The following RAB40C variants were observed in gnomAD, a reference collection of about 807,000 sequenced individuals.
The protein encoded by RAB40C is ras-related protein Rab-40C.
A neutral mutation model predicts 28.1 loss-of-function variants in RAB40C; 8 were observed. The ratio of observed to expected loss-of-function variants is 0.28; its 90% CI spans 0.17 to 0.51. The LOEUF (loss-of-function observed/expected upper bound fraction) is 0.51, where lower values mean the gene tolerates loss of function less well. Ranked by LOEUF, RAB40C falls within the 20% of genes least tolerant of loss-of-function variation. The pLI is 0.97. For synonymous variants in RAB40C, 201 were observed against 171.7 expected, an observed-to-expected ratio of 1.17 and a Z score of -1.34; for missense variants, 288 against 405.9, an observed-to-expected ratio of 0.71 and a Z score of 2.50.
In RAB40C at chr16:610,799, AGGCCAAG is replaced by A. The variant is rs945116272; in HGVS notation, c.143-6404_143-6398del. Among the ~76,000 whole-genome samples, 1 of 148,760 alleles carries A rather than the reference AGGCCAAG, an allele frequency of 6.7e-6. No homozygotes were observed. Among genetic ancestry groups the A allele is most frequent in the African/African-American group, 2.5e-5 (1 of 40,376 alleles). On this transcript the variant is annotated intron_variant, in intron 1 of 5. Coordinates refer to ENST00000248139, the MANE Select transcript of RAB40C (RefSeq NM_021168.5). This position sits in a 1 kb window ranked among gnomAD's most constrained non-coding sequence, Gnocchi z 4.6. The stretch of plus-strand genomic sequence containing the variant: ...CCTGCCTGGATAATTGAGACCTTCC[AGGCCAAG>A]GGCCCCCTCCCCAGGATCCTGACAC...
intron 1 of RAB40C, among the ~76,000 whole-genome samples, chr16:607,615 C>A (rs1272867016): frequency 6.6e-6 from 1 of 151,070 alleles, no homozygotes; most frequent in African/African-American, 2.4e-5. Flanking sequence ...CACGGTGAAA[C>A]CCCGTCTCTA....
chr16:596,286 CA>C, intron 1 of RAB40C: 1 of 456,080 alleles, frequency 2.2e-6, no homozygotes, highest in Non-Finnish European at 4.4e-6. Flanking sequence ...TGGGTCCTCG[CA>C]GGTACTTTTG....
intron 1 of RAB40C, chr16:596,437 G>C (rs1326077945): frequency 2.4e-6 from 1 of 423,950 alleles, no homozygotes; most frequent in Non-Finnish European, 4.8e-6. Flanking sequence ...GTCCTCCCCT[G>C]CGCAGCACAT....
At chr16:602,966 T>C (rs1006961270) in intron 1 of RAB40C, among the ~76,000 whole-genome samples, 1 of 152,180 alleles carries the variant, frequency 6.6e-6, no homozygotes, top group Non-Finnish European at 1.5e-5. Context: ...TGGGATCTGC[T>C]CCTTAAAAGA....
At chr16:601,187 T>A (rs1454063186) in intron 1 of RAB40C, among the ~76,000 whole-genome samples, 1 of 152,224 alleles carries the variant, frequency 6.6e-6, no homozygotes, top group Non-Finnish European at 1.5e-5. Context: ...GTTTGACTTT[T>A]AAAAAATTGT....
At chr16:626,180 A>C in intron 5 of RAB40C, 59 bp downstream of exon 5, 4 of 1,507,958 alleles carry the variant, frequency 2.7e-6, no homozygotes, top group Non-Finnish European at 3.7e-6. Flanking sequence ...CCCTGATCAC[A>C]TGGAGGCTGA....
chr16:596,469 G>A, intron 1 of RAB40C: 2 of 359,272 alleles, frequency 5.6e-6, no homozygotes, highest in Middle Eastern at 6.3e-4. Flanking sequence ...ACCCCACCGA[G>A]GGCCGTTCTG....
intron 3 of RAB40C, among the ~76,000 whole-genome samples, chr16:622,826 T>A (rs1262446200): frequency 1.3e-5 from 2 of 152,132 alleles, no homozygotes; most frequent in African/African-American, 4.8e-5. Context: ...TTTTTAAAAA[T>A]CAGATCAGTT....
chr16:616,214 C>G (rs1226181428), intron 1 of RAB40C, among the ~76,000 whole-genome samples: 1 of 150,346 alleles, frequency 6.7e-6, no homozygotes, highest in African/African-American at 2.4e-5. Context: ...AGAGATCGCA[C>G]CACTGCACTC....
At chr16:614,195 C>T (rs1392728208) in intron 1 of RAB40C, among the ~76,000 whole-genome samples, 2 of 103,888 alleles carry the variant, frequency 1.9e-5, no homozygotes, top group African/African-American at 3.7e-5. Context: ...TACCGCATCC[C>T]TATGGTGAAC....
intron 1 of RAB40C, among the ~76,000 whole-genome samples, chr16:601,970 A>G (rs755684311): frequency 6.6e-6 from 1 of 152,082 alleles, no homozygotes; most frequent in Non-Finnish European, 1.5e-5. Context: ...TACTGAAAAT[A>G]TAAAAGTTAG....
chr16:596,865 C>G (rs1894675), intron 1 of RAB40C, among the ~76,000 whole-genome samples: 34,788 of 152,048 alleles, frequency 0.23, 4,777 homozygotes, highest in African/African-American at 0.37. Context: ...CCTAAGGTAG[C>G]GAGGAGGCTT....
intron 3 of RAB40C, chr16:625,036 G>C (rs774998808): frequency 1.3e-5 from 17 of 1,293,120 alleles, no homozygotes; most frequent in Non-Finnish European, 1.6e-5. Flanking sequence ...CCCCCACTCA[G>C]CTCTGTCCCA....
chr16:625,984 C>T lies in RAB40C; in HGVS notation c.428C>T (p.Ala143Val), dbSNP rs770929145. Reference sequence around the variant, plus strand: ...CAGGTCCCGACGGAGCAGGCCCGCGCGTACGCAGAGAAGAACTGCATGACC... The same window carrying T: ...CAGGTCCCGACGGAGCAGGCCCGCGTGTACGCAGAGAAGAACTGCATGACC... ...KRQVPTEQAR[A>V]YAEKNCMTFF... The change falls in exon 5 of 6, where the codon GCG (alanine) becomes GTG (valine). Residue 143 changes from alanine (A) to valine (V), a missense_variant. This residue lies in a region of RAB40C where 153 missense variants were observed against 262.4 expected (regional missense o/e 0.58). Transcript: ENST00000248139. 1.4e-5 allele frequency: 22 copies of T among 1,613,094 alleles called. No individual in the cohort carries two copies. The highest frequency in any genetic ancestry group is 2.2e-5 in the South Asian group (2 of 91,092).
chr16:590,391 C>A lies in RAB40C; in HGVS notation c.100C>A (p.Leu34Met). 2.5e-6 allele frequency: 4 copies of A among 1,595,362 alleles called. No individual in the cohort carries two copies. Among genetic ancestry groups the A allele is most frequent in the East Asian group, 2.3e-5 (1 of 42,898 alleles). The change falls in exon 1 of 6, where the codon CTG becomes ATG. Residue 34 changes from leucine (L) to methionine (M), a missense_variant. Leu to Met is a conservative substitution (Grantham distance 15, BLOSUM62 2). Transcript: ENST00000248139. ...DVGKGEILES[L>M]QDGAAESPYA... ...GGGCAAGGGCGAGATCCTGGAGAGCCTGCAGGACGGCGCGGCAGAGTCCCC... is the reference window on the plus strand; with the variant it reads ...GGGCAAGGGCGAGATCCTGGAGAGCATGCAGGACGGCGCGGCAGAGTCCCC...
rs548825114 is a variant in RAB40C at position 616,237 on chromosome 16, C to T, written c.143-971C>T. On this transcript the variant is annotated intron_variant, in intron 1 of 5. Coordinates refer to ENST00000248139, the MANE Select transcript of RAB40C (RefSeq NM_021168.5). ...CACCACTGCACTCCAGCCTGGGTGACTGAGCAAGACTCTGTCTCAAAAAAA... is the reference window on the plus strand; with the variant it reads ...CACCACTGCACTCCAGCCTGGGTGATTGAGCAAGACTCTGTCTCAAAAAAA... Among the ~76,000 whole-genome samples, 3 of 149,058 alleles carry T rather than the reference C, an allele frequency of 2.0e-5. No homozygotes were observed. The East Asian group carries it at 5.9e-4, about 29-fold the overall frequency.
In RAB40C at chr16:603,996, G is replaced by A. The variant is rs551004682; in HGVS notation, c.143-13212G>A. On this transcript the variant is annotated intron_variant, in intron 1 of 5. Transcript: ENST00000248139. ...ATTTACCTTGTTGATGCACATTTGG[G>A]TTATTTCCTGGTTTGGGGTATTACG... 6.6e-5 allele frequency among the ~76,000 whole-genome samples: 10 copies of A among 151,840 alleles called. No homozygotes were observed. In the South Asian group the frequency reaches 1.7e-3, roughly 25 times the overall value.
intron 5 of RAB40C, among the ~76,000 whole-genome samples, chr16:626,406 G>A (rs1191647630): frequency 1.3e-5 from 2 of 152,126 alleles, no homozygotes; most frequent in East Asian, 1.9e-4. Flanking sequence ...TGCTGGTGTG[G>A]GCAGTGTGTG....
chr16:608,274 C>A (rs895283854), intron 1 of RAB40C, among the ~76,000 whole-genome samples: 1 of 152,282 alleles, frequency 6.6e-6, no homozygotes, highest in Admixed American at 6.5e-5. Flanking sequence ...CTCACCCGCA[C>A]AAAAACAGCA....
Sources: gnomAD v4.1 joint callset for allele counts (sites outside exome capture counted in the v4.1 genomes callset) on GRCh38, gnomAD v4.1.1 for gene constraint, gnomAD v4.1.1 regional missense constraint, Gnocchi (gnomAD v3.1) non-coding constraint, MANE v1.5 for transcripts, NCBI Gene and HGNC (gene_info 2026-07-23, HGNC 2026-07-21) for gene names.